GYS2: variants seen among roughly 807,000 people sequenced by gnomAD.
The protein encoded by GYS2 is glycogen synthase 2.
A neutral mutation model predicts 85.6 loss-of-function variants in GYS2; 80 were observed. The observed-to-expected ratio is 0.93, with a 90% confidence interval of 0.78 to 1.13. GYS2 has a LOEUF of 1.13. Ranked by LOEUF, GYS2 falls within the 50% of genes most tolerant of loss-of-function variation. The pLI is 0.00. For missense variants in GYS2, 881 were observed against 854.9 expected (o/e 1.03, Z -0.38); for synonymous variants, 328 against 300.7 (o/e 1.09, Z -0.94).
chr12:21,580,245 G>A, intron 2 of GYS2, 97 bp downstream of exon 2: 1 of 1,108,152 alleles, frequency 9.0e-7, no homozygotes, highest in Admixed American at 1.7e-5. Context: ...TTTTCCTTAA[G>A]TAAGTGAATG....
chr12:21,555,521 C>A (rs1395416176), intron 11 of GYS2, among the ~76,000 whole-genome samples: 1 of 152,138 alleles, frequency 6.6e-6, no homozygotes, highest in Non-Finnish European at 1.5e-5. Flanking sequence ...TTTAAATAAA[C>A]ATAGAAATTG....
In GYS2 at chr12:21,604,498, T is replaced by G; in HGVS notation, c.95A>C (p.Glu32Ala). 6.2e-7 allele frequency: 1 copy of G among 1,612,018 alleles called. No individual in the cohort carries two copies. The highest frequency in any genetic ancestry group is 8.5e-7 in the Non-Finnish European group (1 of 1,178,398). The change falls in exon 1 of 16, where the codon GAA becomes GCA. Residue 32 changes from glutamate (E) to alanine (A), a missense_variant. By Grantham distance (107) the Glu-to-Ala change is moderately radical. Transcript: ENST00000261195. ...TTTATTGGTCACTTCCCAAGCAACT[T>G]CAAAGAGCAGTAACTCCTCCACAGG... is the stretch of plus-strand genomic sequence containing the variant. ...ELPVEELLLF[E>A]VAWEVTNKVG...
intron 4 of GYS2, among the ~76,000 whole-genome samples, chr12:21,571,994 A>AG (rs1286680594): frequency 0.2 from 379 of 1,878 alleles, 2 homozygotes; most frequent in African/African-American, 0.37. Context: ...ATAAAATGGG[A>AG]GGGGGGGTGG....
At chr12:21,582,333 G>C (rs1346605167) in intron 1 of GYS2, among the ~76,000 whole-genome samples, 1 of 152,162 alleles carries the variant, frequency 6.6e-6, no homozygotes, top group Non-Finnish European at 1.5e-5. Flanking sequence ...CATCTAATCA[G>C]TTGCCAGCAC....
chr12:21,596,471 C>A (rs1157743618), intron 1 of GYS2, among the ~76,000 whole-genome samples: 1 of 151,896 alleles, frequency 6.6e-6, no homozygotes, highest in Non-Finnish European at 1.5e-5. Flanking sequence ...GTGTGATACA[C>A]CACATAAACA....
chr12:21,540,699 A>T (rs190745394), intron 13 of GYS2, 126 bp from the exon 14 acceptor site: 161 of 787,292 alleles, frequency 2.0e-4, no homozygotes, highest in Middle Eastern at 1.3e-3. Context: ...TGACTCAGGA[A>T]TTACCCCCAC....
intron 1 of GYS2, among the ~76,000 whole-genome samples, chr12:21,596,685 G>A (rs1441110449): frequency 6.6e-6 from 1 of 152,048 alleles, no homozygotes; most frequent in East Asian, 1.9e-4. Context: ...TCTGAGAACT[G>A]GAACAAGACA....
At chr12:21,551,664 T>C (rs1467591899) in intron 11 of GYS2, among the ~76,000 whole-genome samples, 1 of 152,126 alleles carries the variant, frequency 6.6e-6, no homozygotes, top group Non-Finnish European at 1.5e-5. Flanking sequence ...CAAACCCCAG[T>C]ACTTAAGAAT....
intron 1 of GYS2, among the ~76,000 whole-genome samples, chr12:21,599,555 T>A (rs1184683943): frequency 6.6e-6 from 1 of 152,186 alleles, no homozygotes; most frequent in Non-Finnish European, 1.5e-5. Context: ...AGTAGACTAG[T>A]GCTTTCCTTG....
intron 12 of GYS2, among the ~76,000 whole-genome samples, chr12:21,545,044 G>C (rs994412358): frequency 6.6e-6 from 1 of 152,090 alleles, no homozygotes; most frequent in African/African-American, 2.4e-5. Flanking sequence ...CTTGGCCTCT[G>C]CTGCTCCTTA....
chr12:21,555,292 A>G (rs1313036627), intron 11 of GYS2, among the ~76,000 whole-genome samples: 1 of 152,170 alleles, frequency 6.6e-6, no homozygotes, highest in Non-Finnish European at 1.5e-5. Flanking sequence ...TAAAAAATCT[A>G]AGGGATAGAT....
chr12:21,588,654 G>A (rs1160703885), intron 1 of GYS2, among the ~76,000 whole-genome samples: 5 of 152,232 alleles, frequency 3.3e-5, no homozygotes, highest in African/African-American at 1.2e-4. Flanking sequence ...TCACAGTTCA[G>A]ATGTTATGTG....
At chr12:21,580,202 G>T in intron 2 of GYS2, 140 bp downstream of exon 2, 1 of 798,070 alleles carries the variant, frequency 1.3e-6, no homozygotes, top group South Asian at 1.4e-5. Context: ...CCATTTAAAA[G>T]CAAGTTCATC....
intron 1 of GYS2, among the ~76,000 whole-genome samples, chr12:21,590,417 G>T (rs1404564625): frequency 6.6e-6 from 1 of 152,118 alleles, no homozygotes; most frequent in African/African-American, 2.4e-5. Context: ...GCCTGATGAT[G>T]GGCCTACCCA....
intron 1 of GYS2, among the ~76,000 whole-genome samples, chr12:21,601,741 C>T (rs1944758477): frequency 6.6e-6 from 1 of 152,110 alleles, no homozygotes; most frequent in South Asian, 2.1e-4. Context: ...CTACCTTCTA[C>T]AAATTTGTCA....
chr12:21,566,144 A>C (rs1944317870), intron 5 of GYS2, among the ~76,000 whole-genome samples: 1 of 152,226 alleles, frequency 6.6e-6, no homozygotes, highest in Admixed American at 6.5e-5. Context: ...ATGATATAGT[A>C]ATAAATATAA....
At chr12:21,588,916 C>T (rs1425141841) in intron 1 of GYS2, among the ~76,000 whole-genome samples, 1 of 152,222 alleles carries the variant, frequency 6.6e-6, no homozygotes, top group Non-Finnish European at 1.5e-5. Context: ...GTGGGAGTCA[C>T]ATCTTAGCAA....
intron 5 of GYS2, among the ~76,000 whole-genome samples, chr12:21,564,082 C>A (rs1365790935): frequency 6.6e-6 from 1 of 152,052 alleles, no homozygotes; most frequent in Admixed American, 6.6e-5. Context: ...AGAGAGGGAC[C>A]ACTCTGAGCA....
At chr12:21,553,197 G>A (rs1446154096) in intron 11 of GYS2, among the ~76,000 whole-genome samples, 1 of 152,202 alleles carries the variant, frequency 6.6e-6, no homozygotes, top group Admixed American at 6.5e-5. Flanking sequence ...TTACAGACAG[G>A]AGCCACTGCG....
Sources: allele counts gnomAD v4.1 joint callset (sites outside exome capture counted in the v4.1 genomes callset), GRCh38; gene constraint gnomAD v4.1.1; transcripts MANE v1.5; gene names NCBI Gene and HGNC (gene_info 2026-07-23, HGNC 2026-07-21).